The following SLC5A4 variants were observed in gnomAD, a reference collection of about 807,000 sequenced individuals.
SLC5A4 encodes the protein solute carrier family 5 member 4, also known as probable glucose sensor protein SLC5A4.
SLC5A4 carries 55 observed loss-of-function variants against 70.3 expected under a neutral mutation model. The ratio of observed to expected loss-of-function variants is 0.78; its 90% CI spans 0.63 to 0.98. The LOEUF is 0.98. Ranked by LOEUF, SLC5A4 falls within the 50% of genes least tolerant of loss-of-function variation. The pLI is 0.00. For missense variants in SLC5A4, 735 were observed against 839.2 expected (o/e 0.88, Z 1.53); for synonymous variants, 268 against 305.7 (o/e 0.88, Z 1.29).
chr22:32,269,629 C>T, the SLC5A4 span: 1 of 606,470 alleles, frequency 1.6e-6, no homozygotes, highest in East Asian at 4.0e-5. The surrounding 1 kb of genome is among the most constrained non-coding windows in gnomAD (Gnocchi z 4.1). Flanking sequence ...GTACCCAAGC[C>T]CATAGGTGGG....
chr22:32,265,788 C>T, the SLC5A4 span, among the ~76,000 whole-genome samples: 1 of 151,838 alleles, frequency 6.6e-6, no homozygotes, highest in Non-Finnish European at 1.5e-5. Flanking sequence ...TGCAGTGAGC[C>T]GAGATCATGC....
chr22:32,324,491 G>A, the SLC5A4 span, among the ~76,000 whole-genome samples: 3 of 152,226 alleles, frequency 2.0e-5, no homozygotes, highest in South Asian at 2.1e-4. Flanking sequence ...GAAAGCCCCA[G>A]TGTGTTCTTC....
Position 32,225,837 on chromosome 22 carries a change from A to C in SLC5A4, c.1281-14T>G. On this transcript the variant is annotated splice_polypyrimidine_tract_variant and intron_variant, in intron 11 of 14. Transcript: ENST00000266086. ...AGAACAAATATCCTGAGAAGAAAAC[A>C]ACATAATTTAAACATTAAACAAAAG... is the stretch of plus-strand genomic sequence containing the variant. 6.4e-7 allele frequency: 1 copy of C among 1,570,324 alleles called. No individual in the cohort carries two copies. Among genetic ancestry groups the C allele is most frequent in the Non-Finnish European group, 8.7e-7 (1 of 1,151,982 alleles).
the SLC5A4 span, among the ~76,000 whole-genome samples, chr22:32,297,438 C>T: frequency 6.7e-6 from 1 of 149,182 alleles, no homozygotes; most frequent in Admixed American, 6.7e-5. Flanking sequence ...AGTTTATTTG[C>T]ATAGAGGTGT....
At chr22:32,333,204 C>CG in the SLC5A4 span, among the ~76,000 whole-genome samples, 11 of 149,264 alleles carry the variant, frequency 7.4e-5, no homozygotes, top group South Asian at 1.5e-3. Context: ...GCACCCCCCC[C>CG]CCAGAAGACT....
chr22:32,305,075 G>A, the SLC5A4 span, among the ~76,000 whole-genome samples: 1 of 151,768 alleles, frequency 6.6e-6, no homozygotes, highest in Non-Finnish European at 1.5e-5. Context: ...TCTGTTCATT[G>A]TCTGTTCTTT....
chr22:32,252,680 C>T (rs1403930116), intron 2 of SLC5A4, among the ~76,000 whole-genome samples: 2 of 152,150 alleles, frequency 1.3e-5, no homozygotes, highest in East Asian at 3.8e-4. Context: ...CTGAGTTGAG[C>T]CTGTCCTTGG....
At chr22:32,287,651 TTTTC>T in the SLC5A4 span, among the ~76,000 whole-genome samples, 5 of 149,562 alleles carry the variant, frequency 3.3e-5, no homozygotes, top group Admixed American at 1.3e-4. Context: ...TCTTTTTTCT[TTTTC>T]TTTTTTTTTC....
upstream of SLC5A4, among the ~76,000 whole-genome samples, chr22:32,258,576 G>GA (rs555190694): frequency 1.3e-5 from 2 of 151,606 alleles, no homozygotes; most frequent in Non-Finnish European, 1.5e-5. Context: ...ATAAAAAAAA[G>GA]AAAAAAAAGA....
chr22:32,350,369 G>GC, the SLC5A4 span, among the ~76,000 whole-genome samples: 1 of 152,086 alleles, frequency 6.6e-6, no homozygotes, highest in African/African-American at 2.4e-5. Context: ...CTAACACTAC[G>GC]CCCAGTCACT....
chr22:32,242,356 C>T (rs1480788823), intron 5 of SLC5A4, among the ~76,000 whole-genome samples: 1 of 152,108 alleles, frequency 6.6e-6, no homozygotes, highest in Non-Finnish European at 1.5e-5. Flanking sequence ...TGGGATCATG[C>T]CCCATCCTTT....
the SLC5A4 span, among the ~76,000 whole-genome samples, chr22:32,320,573 T>G: frequency 6.6e-6 from 1 of 152,192 alleles, no homozygotes; most frequent in African/African-American, 2.4e-5. Context: ...TCTGCTTTCC[T>G]TTCCTGGGTG....
intron 5 of SLC5A4, 35 bp from the exon 6 acceptor site, chr22:32,239,125 T>G (rs1926235998): frequency 3.3e-6 from 5 of 1,512,128 alleles, no homozygotes; most frequent in Non-Finnish European, 2.8e-6. Context: ...GAAAGAAACA[T>G]GCATTTGAGG....
the SLC5A4 span, among the ~76,000 whole-genome samples, chr22:32,262,415 C>T: frequency 9.2e-5 from 14 of 152,196 alleles, no homozygotes; most frequent in Admixed American, 5.2e-4. Context: ...GGAGGGGCCT[C>T]ACTGTGCAAA....
rs542651731 is a variant in SLC5A4 at position 32,251,968 on chromosome 22, G to A, written c.208-94C>T. 136 of 875,614 alleles carry A rather than the reference G, an allele frequency of 1.6e-4. 1 individual carries two copies. Among genetic ancestry groups the A allele is most frequent in the Middle Eastern group, 1.1e-3 (4 of 3,762 alleles). The allele number at this position is 875,614 out of a possible 1,614,324, so 54.2% of individuals were successfully genotyped here. ...GATGTAGCTGGGCGTGGTGGCTCACGCCTGTAATCCCAGCACTTTGGGAGG... is the reference window on the plus strand; with the variant it reads ...GATGTAGCTGGGCGTGGTGGCTCACACCTGTAATCCCAGCACTTTGGGAGG... On this transcript the variant is annotated intron_variant, in intron 2 of 14. Coordinates refer to ENST00000266086, the MANE Select transcript of SLC5A4 (RefSeq NM_014227.3).
At chr22:32,341,990 G>C in the SLC5A4 span, among the ~76,000 whole-genome samples, 1 of 152,146 alleles carries the variant, frequency 6.6e-6, no homozygotes. Context: ...TATTACAAAA[G>C]CATTTTATTT....
chr22:32,257,988 TC>T (rs1387755779), upstream of SLC5A4, among the ~76,000 whole-genome samples: 1 of 151,852 alleles, frequency 6.6e-6, no homozygotes, highest in Non-Finnish European at 1.5e-5. Context: ...CTTTATGTAT[TC>T]TTTATTTTAT....
chr22:32,330,241 CTCTGTGTTGGGGGGCTCTGGTG>C, the SLC5A4 span, among the ~76,000 whole-genome samples: 2 of 89,064 alleles, frequency 2.2e-5, no homozygotes, highest in Non-Finnish European at 4.2e-5. Context: ...ATGTTGGGGT[CTCTGTGTTGGGGGGCTCTGGTG>C]TGTGTGTTGG....
At chr22:32,225,566 G>T in intron 12 of SLC5A4, 89 bp downstream of exon 12, 2 of 788,588 alleles carry the variant, frequency 2.5e-6, no homozygotes, top group Non-Finnish European at 2.1e-6. Context: ...GCATAAATAG[G>T]GGAGAAAGAA....
Sources: gnomAD v4.1 joint callset for allele counts (sites outside exome capture counted in the v4.1 genomes callset) on GRCh38, gnomAD v4.1.1 for gene constraint, Gnocchi (gnomAD v3.1) non-coding constraint, MANE v1.5 for transcripts, NCBI Gene and HGNC (gene_info 2026-07-23, HGNC 2026-07-21) for gene names.